DMWD: variants seen among roughly 807,000 people sequenced by gnomAD.
DMWD encodes the protein dystrophia myotonica WD repeat-containing protein.
Under a neutral mutation model 45.8 loss-of-function variants are expected in DMWD, and 19 were observed. That is an observed-to-expected ratio of 0.41 (90% CI 0.29 to 0.61). The LOEUF (loss-of-function observed/expected upper bound fraction) is 0.61. Among genes scored for constraint, DMWD ranks in the 20% least tolerant of loss-of-function variants. The pLI, the probability that DMWD is intolerant of heterozygous loss-of-function variation, is 0.25. For missense variants in DMWD, 802 were observed against 965.2 expected (o/e 0.83, Z 2.24); for synonymous variants, 515 against 440.5 (o/e 1.17, Z -2.12).
chr19:45,785,181 G>C (rs1970253870), intron 3 of DMWD: 1 of 1,023,914 alleles, frequency 9.8e-7, no homozygotes. Context: ...CAGGCTGGCA[G>C]CCATGCCCAC....
At position 45,786,132 on chromosome 19, in the gene DMWD, G is replaced by A; in HGVS notation, c.1364C>T (p.Pro455Leu). ...AGGGAGGGTGCGGGTGCGGGCCAGG[G>A]GGGGGTGCGGGTAGAGCACGTCTTC... ...LTEDVLYPHP[P>L]LARTRTLPGT... The change falls in exon 3 of 5, where the codon CCC becomes CTC. Residue 455 changes from proline (P) to leucine (L), a missense_variant. Physicochemically the swap from Pro to Leu is moderately conservative, Grantham distance 98. Transcript: ENST00000270223. 3 of 1,532,124 alleles carry A rather than the reference G, an allele frequency of 2.0e-6. No homozygotes were observed. Among genetic ancestry groups the A allele is most frequent in the Non-Finnish European group, 2.6e-6 (3 of 1,136,652 alleles). The allele number at this position is 1,532,124 out of a possible 1,614,324, so 94.9% of individuals were successfully genotyped here.
In DMWD at chr19:45,792,798, C is replaced by T. The variant is rs1437339435; in HGVS notation, c.-42G>A. ...GCCCCGCCACTGCCGGACTGCCGCC[C>T]GCAGCCGGGCCCCCTCCCGGAAGCC... On this transcript the variant is annotated 5_prime_UTR_variant, in exon 1 of 5. Transcript: ENST00000270223. The T allele has an allele frequency of 1.2e-5, 13 of 1,092,874 alleles. No individual in the cohort carries two copies. The highest frequency in any genetic ancestry group is 5.1e-5 in the Admixed American group (1 of 19,496). 67.7% of individuals were successfully genotyped at this position (1,092,874 alleles called of 1,614,324 possible). A position where few individuals can be genotyped will look rare whatever the true frequency, so the allele number is the denominator to read the frequency against.
rs1037351750 is a variant in DMWD, at chr19:45,784,036, G to A, written c.*207C>T. ...AGGTCATTGTACTTGGCAGTGGGTG[G>A]GGGACAAGGCTGAGGCCACAAGGGC... is the stretch of plus-strand genomic sequence containing the variant. On this transcript the variant is annotated 3_prime_UTR_variant, in exon 5 of 5. Transcript: ENST00000270223. The A allele has an allele frequency of 3.1e-6, 2 of 644,174 alleles. No homozygotes were observed. Among genetic ancestry groups the A allele is most frequent in the Non-Finnish European group, 5.5e-6 (2 of 364,064 alleles). The allele number at this position is 644,174 out of a possible 1,614,324, so 39.9% of individuals were successfully genotyped here.
Position 45,786,085 on chromosome 19 carries a change from G to A in DMWD, c.1411C>T (p.Pro471Ser), listed in dbSNP as rs199536506. 5.3e-4 allele frequency: 797 copies of A among 1,518,006 alleles called. 5 individuals are homozygous for A. In the African/African-American group the frequency reaches 9.7e-3, roughly 18 times the overall value. The allele number at this position is 1,518,006 out of a possible 1,614,324, so 94.0% of individuals were successfully genotyped here. Residue 471 changes from proline (P) to serine (S), a missense_variant, in exon 3 of 5, where the codon CCG becomes TCG. Pro to Ser is a moderately conservative substitution (Grantham distance 74). This residue lies in a region of DMWD where 303 missense variants were observed against 332.9 expected (regional missense o/e 0.91). Transcript: ENST00000270223. ...TLPGTPGTTPPAASSSRGGEP... is the reference protein window; with the variant it reads ...TLPGTPGTTPSAASSSRGGEP... ...CCACCCCTCGAGCTGCTGGCGGCCG[G>A]TGGCGTGGTGCCAGGTGTGCCAGGG...
At chr19:45,785,488 G>C in intron 3 of DMWD, 106 bp downstream of exon 3, 1 of 1,403,018 alleles carries the variant, frequency 7.1e-7, no homozygotes, top group Non-Finnish European at 9.3e-7. Flanking sequence ...CTCACCCCAC[G>C]GAGCCAGAGG....
In DMWD at chr19:45,783,804, T is replaced by G; in HGVS notation, c.*439A>C. Reference sequence around the variant, plus strand: ...AGGAACCTGAGGGGCTTCCATAATTTAACACTCTTCAAAAGCACAGACAAT... The same window carrying G: ...AGGAACCTGAGGGGCTTCCATAATTGAACACTCTTCAAAAGCACAGACAAT... On this transcript the variant is annotated 3_prime_UTR_variant, in exon 5 of 5. Transcript: ENST00000270223. 1 of 468,016 alleles carries G rather than the reference T, an allele frequency of 2.1e-6. No homozygotes were observed. The highest frequency in any genetic ancestry group is 3.7e-6 in the Non-Finnish European group (1 of 269,138). 29.0% of individuals were successfully genotyped at this position (468,016 alleles called of 1,614,324 possible).
At chr19:45,792,026 A>C (rs895204133) in intron 1 of DMWD, among the ~76,000 whole-genome samples, 1 of 151,920 alleles carries the variant, frequency 6.6e-6, no homozygotes, top group Non-Finnish European at 1.5e-5. Context: ...GGGGGATCCC[A>C]CCTCATCTCA....
chr19:45,790,862 G>C (rs202006529), intron 2 of DMWD, 43 bp downstream of exon 2: 30 of 1,571,464 alleles, frequency 1.9e-5, no homozygotes, highest in Non-Finnish European at 2.6e-6. Context: ...TAGTGGGTAG[G>C]TGAGAAGGCA....
rs746667800 is a variant in DMWD, at chr19:45,784,163, G to A, written c.*80C>T. 20 of 1,294,816 alleles carry A rather than the reference G, an allele frequency of 1.5e-5. No homozygotes were observed. The African/African-American group carries it at 1.9e-4, about 12-fold the overall frequency. The allele number at this position is 1,294,816 out of a possible 1,614,324, so 80.2% of individuals were successfully genotyped here. A position where few individuals can be genotyped will look rare whatever the true frequency, so the allele number is the denominator to read the frequency against. On this transcript the variant is annotated 3_prime_UTR_variant, in exon 5 of 5. Transcript: ENST00000270223. ...CCATCATGGTTAGTCTTGTTAATACGTTGATCTGTGAGGTCAGCAGGGAGG... is the reference window on the plus strand; with the variant it reads ...CCATCATGGTTAGTCTTGTTAATACATTGATCTGTGAGGTCAGCAGGGAGG...
intron 2 of DMWD, among the ~76,000 whole-genome samples, chr19:45,788,876 C>G (rs1970318128): frequency 1.3e-5 from 2 of 149,800 alleles, no homozygotes; most frequent in Non-Finnish European, 1.5e-5. Flanking sequence ...TTGCAGTGAA[C>G]GAAGATCGTA....
intron 2 of DMWD, among the ~76,000 whole-genome samples, chr19:45,787,753 T>C (rs765828188): frequency 6.6e-6 from 1 of 152,214 alleles, no homozygotes; most frequent in African/African-American, 2.4e-5. Context: ...CCACAAATCC[T>C]GTGGGCTCGA....
In DMWD at chr19:45,783,748, T is replaced by C. The variant is rs1385974850; in HGVS notation, c.*495A>G. The C allele has an allele frequency of 1.1e-5, 5 of 450,526 alleles. No homozygotes were observed. The highest frequency in any genetic ancestry group is 5.6e-5 in the South Asian group (1 of 17,856). The allele number at this position is 450,526 out of a possible 1,614,324, so 27.9% of individuals were successfully genotyped here. A position where few individuals can be genotyped will look rare whatever the true frequency, so the allele number is the denominator to read the frequency against. ...GACCCGCTGAGAAAACAGGGAACTT[T>C]AGTATAAATAAGAGGTCCTGCGGGA... On this transcript the variant is annotated 3_prime_UTR_variant, in exon 5 of 5. Transcript: ENST00000270223.
intron 1 of DMWD, 142 bp from the exon 2 acceptor site, chr19:45,791,229 G>T: frequency 2.5e-6 from 2 of 806,344 alleles, no homozygotes; most frequent in Admixed American, 3.1e-5. Flanking sequence ...GATTGCGAAG[G>T]ACGGGGCAAC....
At chr19:45,791,347 G>C (rs1970354898) in intron 1 of DMWD, among the ~76,000 whole-genome samples, 1 of 152,038 alleles carries the variant, frequency 6.6e-6, no homozygotes, top group Non-Finnish European at 1.5e-5. Flanking sequence ...CTAATTCAGA[G>C]ACACCCTTGT....
Position 45,791,995 on chromosome 19 carries a change from A to C in DMWD, c.441+321T>G, listed in dbSNP as rs577713037. Among the ~76,000 whole-genome samples the C allele has an allele frequency of 3.3e-5, 5 of 152,114 alleles. No homozygotes were observed. The South Asian group carries it at 1.0e-3, about 32-fold the overall frequency. On this transcript the variant is annotated intron_variant, in intron 1 of 4. Coordinates refer to ENST00000270223, the MANE Select transcript of DMWD (RefSeq NM_004943.2). ...CTCATGATTCCCCATTACCTGCAGA[A>C]TGCCTGCCACCCCAGAACCCGGGGG...
chr19:45,787,027 A>G, intron 2 of DMWD, 156 bp from the exon 3 acceptor site: 1 of 1,327,912 alleles, frequency 7.5e-7, no homozygotes, highest in African/African-American at 1.5e-5. Context: ...GAAGCTCCCA[A>G]ACTGGGGAAG....
rs1205787659 is a variant in DMWD, at chr19:45,792,785, C to T, written c.-29G>A. ...GGGCGCCCCCCGGGCCCCGCCACTG[C>T]CGGACTGCCGCCCGCAGCCGGGCCC... is the stretch of plus-strand genomic sequence containing the variant. On this transcript the variant is annotated 5_prime_UTR_variant, in exon 1 of 5. Transcript: ENST00000270223. 1.3e-4 allele frequency: 141 copies of T among 1,107,138 alleles called. No individual in the cohort carries two copies. The highest frequency in any genetic ancestry group is 1.5e-4 in the Non-Finnish European group (135 of 908,792). 68.6% of individuals were successfully genotyped at this position (1,107,138 alleles called of 1,614,324 possible). A position where few individuals can be genotyped will look rare whatever the true frequency, so the allele number is the denominator to read the frequency against.
chr19:45,788,878 A>G (rs1970318201), intron 2 of DMWD, among the ~76,000 whole-genome samples: 2 of 151,740 alleles, frequency 1.3e-5, no homozygotes, highest in South Asian at 4.2e-4. Context: ...GCAGTGAACG[A>G]AGATCGTACC....
chr19:45,792,634 G>A lies in DMWD; in HGVS notation c.123C>T (p.Ala41=). The change falls in exon 1 of 5, where the codon GCC becomes GCT. Residue 41 remains alanine, a synonymous_variant. Coordinates refer to ENST00000270223, the MANE Select transcript of DMWD (RefSeq NM_004943.2). ...CGGAAGCCGGACCCGACCTGCGAGCGGCGCCGTCGCCCGGGAGTAGCTTGT... is the reference window on the plus strand; with the variant it reads ...CGGAAGCCGGACCCGACCTGCGAGCAGCGCCGTCGCCCGGGAGTAGCTTGT... The part of the protein sequence containing the change: ...GFYKLLPGDG[A]ARRSGPASAQ... The A allele has an allele frequency of 1.5e-6, 2 of 1,334,724 alleles. No homozygotes were observed. The highest frequency in any genetic ancestry group is 1.9e-6 in the Non-Finnish European group (2 of 1,026,798). 82.7% of individuals were successfully genotyped at this position (1,334,724 alleles called of 1,614,324 possible).
Sources: gnomAD v4.1 joint callset for allele counts (sites outside exome capture counted in the v4.1 genomes callset) on GRCh38, gnomAD v4.1.1 for gene constraint, gnomAD v4.1.1 regional missense constraint, MANE v1.5 for transcripts, NCBI Gene and HGNC (gene_info 2026-07-23, HGNC 2026-07-21) for gene names.